Variants in PEX14 observed in about 807,000 individuals in gnomAD.
The protein encoded by PEX14 is peroxisomal membrane protein PEX14.
Under a neutral mutation model 49.5 loss-of-function variants are expected in PEX14, and 15 were observed. That is an observed-to-expected ratio of 0.30 (90% CI 0.20 to 0.47). PEX14 has a LOEUF of 0.47. Ranked by LOEUF, PEX14 falls within the 20% of genes least tolerant of loss-of-function variation. PEX14 has a pLI of 1.00. For missense variants in PEX14, 398 were observed against 494.8 expected, an observed-to-expected ratio of 0.80 and a Z score of 1.86; for synonymous variants, 210 against 212.7, an observed-to-expected ratio of 0.99 and a Z score of 0.11.
chr1:10,564,430 A>AT (rs773997796), intron 3 of PEX14, among the ~76,000 whole-genome samples: 8,966 of 137,984 alleles, frequency 0.065, 679 homozygotes, highest in African/African-American at 0.18. Context: ...TTTGCATTTG[A>AT]TTTTTTTTTT....
At position 10,597,372 on chromosome 1, in the gene PEX14, C is replaced by T. The variant is rs974414714; in HGVS notation, c.170-1866C>T. On this transcript the variant is annotated intron_variant, in intron 3 of 8. Transcript: ENST00000356607. This position sits in a 1 kb window ranked among gnomAD's most constrained non-coding sequence, Gnocchi z 5.7. ...TCCCACCAGGGCTCCGAAAGGGGTT[C>T]CCCTTCCTGTTTAGTCGGAGCGATC... 2.0e-5 allele frequency among the ~76,000 whole-genome samples: 3 copies of T among 152,322 alleles called. No homozygotes were observed. The highest frequency in any genetic ancestry group is 4.1e-4 in the South Asian group (2 of 4,828).
At chr1:10,488,568 C>T (rs1442746425) in intron 1 of PEX14, among the ~76,000 whole-genome samples, 4 of 151,670 alleles carry the variant, frequency 2.6e-5, no homozygotes, top group Non-Finnish European at 4.4e-5. Context: ...GGCGTGACCT[C>T]GGTTCACTGC....
At chr1:10,543,011 G>A (rs993270569) in intron 3 of PEX14, among the ~76,000 whole-genome samples, 2 of 152,132 alleles carry the variant, frequency 1.3e-5, no homozygotes, top group African/African-American at 4.8e-5. Context: ...ACTTTTTTAA[G>A]GTAAACATGG....
Position 10,495,372 on chromosome 1 carries a change from C to A in PEX14, c.84+51C>A. The A allele has an allele frequency of 1.4e-6, 2 of 1,450,378 alleles. No homozygotes were observed. Among genetic ancestry groups the A allele is most frequent in the Non-Finnish European group, 9.7e-7 (1 of 1,035,934 alleles). The allele number at this position is 1,450,378 out of a possible 1,614,324, so 89.8% of individuals were successfully genotyped here. ...ACTTTCTAGTAATTAAAATGCCACG[C>A]GAGTGAAAAGAAACCTTCTGTTCCT... is the stretch of plus-strand genomic sequence containing the variant. On this transcript the variant is annotated intron_variant, in intron 2 of 8. Coordinates refer to ENST00000356607, the MANE Select transcript of PEX14 (RefSeq NM_004565.3). The surrounding 1 kb of genome is among the most constrained non-coding windows in gnomAD (Gnocchi z 4.2).
chr1:10,485,550 C>T (rs1241942148), intron 1 of PEX14, among the ~76,000 whole-genome samples: 1 of 151,282 alleles, frequency 6.6e-6, no homozygotes, highest in Non-Finnish European at 1.5e-5. Flanking sequence ...AACTTCTGGA[C>T]TTGAGTAGCC....
intron 2 of PEX14, among the ~76,000 whole-genome samples, chr1:10,500,142 C>T (rs552589943): frequency 1.4e-4 from 16 of 115,640 alleles, no homozygotes; most frequent in Admixed American, 8.9e-4. Context: ...GGTGCTCACG[C>T]CTGTAATCCC....
chr1:10,598,596 G>A (rs78785727), intron 3 of PEX14, among the ~76,000 whole-genome samples: 155 of 152,324 alleles, frequency 1.0e-3, no homozygotes, highest in African/African-American at 3.4e-3. Flanking sequence ...AGCCAAAGGC[G>A]ATACAGGCAG....
At chr1:10,627,999 G>A (rs1205729616) in intron 8 of PEX14, among the ~76,000 whole-genome samples, 2 of 151,998 alleles carry the variant, frequency 1.3e-5, no homozygotes, top group East Asian at 1.9e-4. Context: ...GCAGTGGCAC[G>A]ATCTCGGCTC....
At chr1:10,507,872 T>C (rs1474625180) in intron 2 of PEX14, among the ~76,000 whole-genome samples, 1 of 152,252 alleles carries the variant, frequency 6.6e-6, no homozygotes, top group Non-Finnish European at 1.5e-5. Context: ...GGCAGCAAAG[T>C]TCACCTGCTT....
chr1:10,589,205 A>G (rs1321381110), intron 3 of PEX14, among the ~76,000 whole-genome samples: 1 of 152,200 alleles, frequency 6.6e-6, no homozygotes, highest in African/African-American at 2.4e-5. Context: ...ACCAGACGAC[A>G]TAGTCTGCAT....
chr1:10,547,483 G>T (rs1027623197), intron 3 of PEX14, among the ~76,000 whole-genome samples: 1 of 152,176 alleles, frequency 6.6e-6, no homozygotes, highest in Non-Finnish European at 1.5e-5. Context: ...CCACGGAGGA[G>T]ACGTTCCAAG....
intron 3 of PEX14, among the ~76,000 whole-genome samples, chr1:10,560,481 G>T (rs1284907383): frequency 6.6e-6 from 1 of 152,094 alleles, no homozygotes; most frequent in Non-Finnish European, 1.5e-5. Flanking sequence ...AGGCTGGAGT[G>T]CAGTGGTGCC....
rs1438147858 is a variant in PEX14 at position 10,494,062 on chromosome 1, C to G, written c.37-1212C>G. Among the ~76,000 whole-genome samples, 3 of 152,184 alleles carry G rather than the reference C, an allele frequency of 2.0e-5. No individual in the cohort carries two copies. The highest frequency in any genetic ancestry group is 4.8e-5 in the African/African-American group (2 of 41,444). On this transcript the variant is annotated intron_variant, in intron 1 of 8. Coordinates refer to ENST00000356607, the MANE Select transcript of PEX14 (RefSeq NM_004565.3). This position sits in a 1 kb window ranked among gnomAD's most constrained non-coding sequence, Gnocchi z 4.3. ...GGAAGCTTGCTCACATTCCCTGAGACGGACCCTCACTTTCTAGATCGTTTC... is the reference window on the plus strand; with the variant it reads ...GGAAGCTTGCTCACATTCCCTGAGAGGGACCCTCACTTTCTAGATCGTTTC...
At chr1:10,525,166 G>A (rs1428483502) in intron 2 of PEX14, among the ~76,000 whole-genome samples, 1 of 152,068 alleles carries the variant, frequency 6.6e-6, no homozygotes. Context: ...TCTTAATTGG[G>A]GTTTATCAGA....
intron 7 of PEX14, among the ~76,000 whole-genome samples, chr1:10,627,059 C>T (rs1270756718): frequency 6.6e-6 from 1 of 152,234 alleles, no homozygotes; most frequent in Non-Finnish European, 1.5e-5. Context: ...TTCCTTACGT[C>T]ATCAGATGTC....
At chr1:10,616,356 T>G (rs1156894974) in intron 4 of PEX14, among the ~76,000 whole-genome samples, 1 of 152,160 alleles carries the variant, frequency 6.6e-6, no homozygotes, top group Non-Finnish European at 1.5e-5. Flanking sequence ...GGAAGGTACC[T>G]CTGAAAACTT....
chr1:10,528,178 G>C (rs1638547346), intron 2 of PEX14: 1 of 218,812 alleles, frequency 4.6e-6, no homozygotes, highest in South Asian at 1.6e-4. Flanking sequence ...GACCCCCAGT[G>C]ATGCCTTAAT....
intron 4 of PEX14, among the ~76,000 whole-genome samples, chr1:10,605,325 C>T (rs935023173): frequency 1.3e-5 from 2 of 152,154 alleles, no homozygotes; most frequent in Non-Finnish European, 2.9e-5. Context: ...GACCCACCTT[C>T]AGGAGCTGCT....
intron 3 of PEX14, among the ~76,000 whole-genome samples, chr1:10,565,882 G>A (rs1370089550): frequency 2.6e-5 from 4 of 152,236 alleles, no homozygotes; most frequent in Non-Finnish European, 5.9e-5. Flanking sequence ...GCACATGCCT[G>A]TAGTCCCAGC....
Sources: allele counts gnomAD v4.1 joint callset (sites outside exome capture counted in the v4.1 genomes callset), GRCh38; gene constraint gnomAD v4.1.1; non-coding constraint Gnocchi (gnomAD v3.1); transcripts MANE v1.5; gene names NCBI Gene and HGNC (gene_info 2026-07-23, HGNC 2026-07-21).